Variants in VAT1L observed in about 807,000 individuals in gnomAD.
VAT1L encodes vesicle amine transport 1 like.
A neutral mutation model predicts 44.1 loss-of-function variants in VAT1L; 34 were observed. The observed-to-expected ratio is 0.77, with a 90% CI of 0.59 to 1.03. VAT1L has a LOEUF of 1.03. Ranked by LOEUF, VAT1L falls within the 50% of genes least tolerant of loss-of-function variation. VAT1L has a pLI of 0.00. For synonymous variants in VAT1L, 253 were observed against 202.2 expected (o/e 1.25, Z -2.13); for missense variants, 615 against 538.8 (o/e 1.14, Z -1.40).
At chr16:77,867,678 G>T (rs1006127500) in intron 4 of VAT1L, among the ~76,000 whole-genome samples, 2 of 152,048 alleles carry the variant, frequency 1.3e-5, no homozygotes, top group Admixed American at 1.3e-4. Context: ...GGCCAACATG[G>T]TGAAACCCCG....
intron 7 of VAT1L, among the ~76,000 whole-genome samples, chr16:77,895,100 C>CACACACACACACACACACACACACACACA (rs2017308314): frequency 7.6e-5 from 11 of 145,252 alleles, no homozygotes; most frequent in African/African-American, 2.6e-4. Flanking sequence ...AGCCACTTGC[C>CACACACACACACACACACACACACACACA]CACACACACA....
Position 77,864,967 on chromosome 16 carries a change from CTTTTTTTT to C in VAT1L, c.722+2094_722+2101del, listed in dbSNP as rs869037679. ...TAGCTCTCAGGTAATTCTTCTTATC[CTTTTTTTT>C]TTTTTTTTTTTTTTTTGAGACGGAG... On this transcript the variant is annotated intron_variant, in intron 4 of 8. Transcript: ENST00000302536. Among the ~76,000 whole-genome samples the C allele has an allele frequency of 4.2e-3, 401 of 95,416 alleles. 5 individuals carry two copies. Among genetic ancestry groups the C allele is most frequent in the African/African-American group, 0.014 (306 of 22,184 alleles). 62.6% of individuals were successfully genotyped at this position (95,416 alleles called of 152,430 possible).
intron 1 of VAT1L, among the ~76,000 whole-genome samples, chr16:77,798,318 G>T (rs900928982): frequency 6.6e-6 from 1 of 152,230 alleles, no homozygotes; most frequent in Non-Finnish European, 1.5e-5. Flanking sequence ...AGTAGTTAAT[G>T]TGTGAACTAA....
chr16:77,817,646 GT>G (rs1311990547), intron 2 of VAT1L, among the ~76,000 whole-genome samples: 1 of 152,096 alleles, frequency 6.6e-6, no homozygotes, highest in African/African-American at 2.4e-5. Context: ...GGGCAAAAAG[GT>G]TTATTACATT....
intron 7 of VAT1L, among the ~76,000 whole-genome samples, chr16:77,930,832 G>C (rs947564225): frequency 2.0e-5 from 3 of 152,132 alleles, no homozygotes; most frequent in Non-Finnish European, 4.4e-5. Flanking sequence ...AAGAGCAGGT[G>C]GAGAAAAGCA....
intron 7 of VAT1L, among the ~76,000 whole-genome samples, chr16:77,927,576 CAA>C (rs1432205489): frequency 9.2e-5 from 14 of 151,910 alleles, no homozygotes; most frequent in Admixed American, 6.6e-4. Flanking sequence ...ATTTGCACCT[CAA>C]AAAAATTGAA....
intron 8 of VAT1L, among the ~76,000 whole-genome samples, chr16:77,976,626 C>A (rs1356666803): frequency 6.6e-6 from 1 of 152,172 alleles, no homozygotes; most frequent in African/African-American, 2.4e-5. Context: ...AGGCACAGAT[C>A]ATGTAGGGGA....
chr16:77,847,076 A>G (rs7198967), intron 3 of VAT1L, among the ~76,000 whole-genome samples: 18,530 of 152,236 alleles, frequency 0.12, 1,651 homozygotes, highest in African/African-American at 0.25. Context: ...AGGTCAGAGT[A>G]GGTCCTTCTG....
At position 77,975,201 on chromosome 16, in the gene VAT1L, T is replaced by C. The variant is rs1156263062; in HGVS notation, c.1162-2396T>C. Among the ~76,000 whole-genome samples the C allele has an allele frequency of 2.1e-5, 2 of 94,494 alleles. 1 individual carries two copies. Among genetic ancestry groups the C allele is most frequent in the Non-Finnish European group, 4.1e-5 (2 of 48,450 alleles). 62.0% of individuals were successfully genotyped at this position (94,494 alleles called of 152,430 possible). ...CTCCTACTGGAATGACCACTTTTTT[T>C]TTTTTTTTTTTTTTTTTTTTTTTTT... On this transcript the variant is annotated intron_variant, in intron 8 of 8. Transcript: ENST00000302536.
intron 2 of VAT1L, among the ~76,000 whole-genome samples, chr16:77,818,011 G>C (rs1030267678): frequency 6.6e-6 from 1 of 152,046 alleles, no homozygotes; most frequent in African/African-American, 2.4e-5. Context: ...GGTTCGGGAG[G>C]GTTCAGTAAT....
chr16:77,971,829 G>A (rs1190292041), intron 7 of VAT1L, 21 bp from the exon 8 acceptor site: 2 of 1,610,182 alleles, frequency 1.2e-6, no homozygotes. Flanking sequence ...CAGCACCTCT[G>A]TTTCTCACCT....
intron 7 of VAT1L, among the ~76,000 whole-genome samples, chr16:77,891,948 T>C (rs915128320): frequency 2.6e-5 from 4 of 152,184 alleles, no homozygotes; most frequent in Non-Finnish European, 4.4e-5. Context: ...GGCACATACC[T>C]GTAGTCCCAG....
At chr16:77,945,326 G>T (rs191669081) in intron 7 of VAT1L, among the ~76,000 whole-genome samples, 1 of 118,524 alleles carries the variant, frequency 8.4e-6, no homozygotes, top group Non-Finnish European at 1.6e-5. Context: ...TCACTCTGTC[G>T]TTAATGCTGG....
chr16:77,964,407 G>A (rs7193514), intron 7 of VAT1L, among the ~76,000 whole-genome samples: 12,744 of 152,110 alleles, frequency 0.084, 582 homozygotes, highest in African/African-American at 0.11. Context: ...GGCCACGTGC[G>A]TTTTTCTTGC....
chr16:77,874,575 A>G (rs1363509098), intron 4 of VAT1L, among the ~76,000 whole-genome samples: 1 of 151,936 alleles, frequency 6.6e-6, no homozygotes, highest in Non-Finnish European at 1.5e-5. Context: ...CTAGGACACT[A>G]TTCCCTTCAC....
At chr16:77,851,684 G>A (rs1328168169) in intron 3 of VAT1L, among the ~76,000 whole-genome samples, 1 of 151,982 alleles carries the variant, frequency 6.6e-6, no homozygotes. Flanking sequence ...AGAGAGAGCA[G>A]GGCCCTATAA....
chr16:77,922,406 G>C (rs1023241018), intron 7 of VAT1L, among the ~76,000 whole-genome samples: 1 of 152,162 alleles, frequency 6.6e-6, no homozygotes, highest in African/African-American at 2.4e-5. Flanking sequence ...GACAAAGGGA[G>C]CCTAAGCCAC....
chr16:77,944,903 T>A (rs2017940410), intron 7 of VAT1L, among the ~76,000 whole-genome samples: 1 of 152,096 alleles, frequency 6.6e-6, no homozygotes, highest in South Asian at 2.1e-4. Flanking sequence ...AGGTTTCTCC[T>A]AGTCTGCCCC....
intron 4 of VAT1L, among the ~76,000 whole-genome samples, chr16:77,872,944 A>G (rs184207058): frequency 2.0e-5 from 3 of 152,322 alleles, no homozygotes; most frequent in Admixed American, 2.0e-4. Flanking sequence ...GGTCTTTCCT[A>G]TAAACTCTCG....
Sources: allele counts gnomAD v4.1 joint callset (sites outside exome capture counted in the v4.1 genomes callset), GRCh38; gene constraint gnomAD v4.1.1; transcripts MANE v1.5; gene names NCBI Gene and HGNC (gene_info 2026-07-23, HGNC 2026-07-21).